Variants in PPFIBP2 observed in about 807,000 individuals in gnomAD.
PPFIBP2 encodes liprin-beta-2.
PPFIBP2 carries 118 observed loss-of-function variants against 118.3 expected under a neutral mutation model. The observed-to-expected ratio is 1.00, with a 90% CI of 0.86 to 1.16. The LOEUF (loss-of-function observed/expected upper bound fraction) is 1.16. Among genes scored for constraint, PPFIBP2 ranks in the 50% most tolerant of loss-of-function variants. The probability of loss-of-function intolerance (pLI) is 0.00; values close to 1 mark genes in which losing one functional copy is unlikely to be tolerated. For missense variants in PPFIBP2, 1,195 were observed against 1,073.1 expected, an observed-to-expected ratio of 1.11 and a Z score of -1.59; for synonymous variants, 414 against 397.4, an observed-to-expected ratio of 1.04 and a Z score of -0.50.
At chr11:7,586,492 C>A (rs1309443976) in intron 3 of PPFIBP2, among the ~76,000 whole-genome samples, 1 of 152,248 alleles carries the variant, frequency 6.6e-6, no homozygotes, top group East Asian at 1.9e-4. Flanking sequence ...TTTTAGAGCA[C>A]CCTACTATAA....
chr11:7,624,191 G>A (rs1271515540), intron 7 of PPFIBP2, among the ~76,000 whole-genome samples: 2 of 152,212 alleles, frequency 1.3e-5, no homozygotes, highest in Non-Finnish European at 2.9e-5. Context: ...CTCAGAAGCA[G>A]ACACACGGTG....
At chr11:7,663,917 G>GC in the PPFIBP2 span, among the ~76,000 whole-genome samples, 2 of 152,128 alleles carry the variant, frequency 1.3e-5, no homozygotes, top group African/African-American at 4.8e-5. Flanking sequence ...TTTTCCAGGT[G>GC]CGTCCGTCAC....
In PPFIBP2 at chr11:7,650,877, A is replaced by G; in HGVS notation, c.2159A>G (p.Asn720Ser). The G allele has an allele frequency of 4.3e-6, 7 of 1,614,084 alleles. No homozygotes were observed. The highest frequency in any genetic ancestry group is 5.1e-6 in the Non-Finnish European group (6 of 1,179,962). ...LSPSEVVQWS[N>S]HRVMEWLRSV... ...CCTTCAGAAGTTGTACAGTGGTCCA[A>G]CCACAGGGTGATGGAGTGGTTACGA... The change falls in exon 22 of 24, where the codon AAC becomes AGC. Residue 720 changes from asparagine to serine, a missense_variant. By Grantham distance (46) the Asn-to-Ser change is conservative. Transcript: ENST00000299492.
intron 1 of PPFIBP2, among the ~76,000 whole-genome samples, chr11:7,517,914 G>A (rs1385376213): frequency 2.6e-5 from 4 of 152,320 alleles, no homozygotes; most frequent in Middle Eastern, 3.4e-3. Flanking sequence ...CTCATAGTCC[G>A]ACTTCCAGTG....
rs1396348678 is a variant in PPFIBP2 at position 7,651,837 on chromosome 11, A to G, written c.2429A>G (p.Lys810Arg). 4 of 1,609,968 alleles carry G rather than the reference A, an allele frequency of 2.5e-6. No individual in the cohort carries two copies. The highest frequency in any genetic ancestry group is 3.4e-6 in the Non-Finnish European group (4 of 1,176,884). The change falls in exon 23 of 24, where the codon AAA (lysine) becomes AGA (arginine). Residue 810 changes from lysine to arginine, a missense_variant. Lys to Arg is a conservative substitution (Grantham distance 26). Transcript: ENST00000299492. ...PAYTPLTTTA[K>R]VRPRKLGFSH... ...TACACACCACTGACCACCACAGCCA[A>G]AGTCCGGGTGAGTTGCAGAGCCTTT...
intron 3 of PPFIBP2, among the ~76,000 whole-genome samples, chr11:7,584,467 T>A (rs889640065): frequency 1.3e-5 from 2 of 152,172 alleles, no homozygotes; most frequent in Admixed American, 6.5e-5. Flanking sequence ...CTATTCACAT[T>A]GCATTTGGAA....
intron 7 of PPFIBP2, among the ~76,000 whole-genome samples, chr11:7,621,600 T>A (rs1223036515): frequency 6.6e-6 from 1 of 152,234 alleles, no homozygotes; most frequent in East Asian, 1.9e-4. Flanking sequence ...TCTTCCTTCT[T>A]TTCCTATACT....
chr11:7,612,678 C>G (rs1419646599), intron 6 of PPFIBP2, among the ~76,000 whole-genome samples: 1 of 152,146 alleles, frequency 6.6e-6, no homozygotes, highest in Non-Finnish European at 1.5e-5. Flanking sequence ...GGCCTCAGTC[C>G]TACCAGATAA....
chr11:7,572,083 G>C (rs1855714117), intron 3 of PPFIBP2: 1 of 152,210 alleles, frequency 6.6e-6, no homozygotes, highest in Non-Finnish European at 1.5e-5. Flanking sequence ...CACTGTTTAG[G>C]GTGGGGGAGA....
intron 1 of PPFIBP2, among the ~76,000 whole-genome samples, chr11:7,534,772 A>T (rs904771276): frequency 6.6e-6 from 1 of 152,244 alleles, no homozygotes; most frequent in Non-Finnish European, 1.5e-5. Context: ...AGGCTGGTCC[A>T]TAAGCCAGAC....
downstream of PPFIBP2, among the ~76,000 whole-genome samples, chr11:7,661,509 G>A (rs1321315158): frequency 1.3e-5 from 2 of 148,246 alleles, no homozygotes; most frequent in South Asian, 2.2e-4. Flanking sequence ...TGTGGTCTGA[G>A]AGATAGTTTG....
Position 7,639,951 on chromosome 11 carries a change from A to AC in PPFIBP2, c.1375+83dup, listed in dbSNP as rs1851938417. 13 of 1,508,764 alleles carry AC rather than the reference A, an allele frequency of 8.6e-6. No individual in the cohort carries two copies. In the South Asian group the frequency reaches 1.7e-4, roughly 20 times the overall value. The allele number at this position is 1,508,764 out of a possible 1,614,324, so 93.5% of individuals were successfully genotyped here. A position where few individuals can be genotyped will look rare whatever the true frequency, so the allele number is the denominator to read the frequency against. On this transcript the variant is annotated intron_variant, in intron 15 of 23. Transcript: ENST00000299492. ...ATGATTGTATAAGATCCCTGCACCT[A>AC]CCACCACAATCCACAATTGGAGAAT...
chr11:7,649,097 TTC>T (rs1312181113), intron 19 of PPFIBP2, 48 bp from the exon 20 acceptor site: 1 of 1,552,266 alleles, frequency 6.4e-7, no homozygotes, highest in Non-Finnish European at 8.8e-7. Flanking sequence ...GGTGTCTACA[TTC>T]TCTCATTCTC....
At chr11:7,611,324 C>T (rs1481134564) in intron 6 of PPFIBP2, among the ~76,000 whole-genome samples, 1 of 150,106 alleles carries the variant, frequency 6.7e-6, no homozygotes, top group African/African-American at 2.5e-5. Flanking sequence ...TTTGTGAGCA[C>T]CTGGTATGTC....
intron 23 of PPFIBP2, among the ~76,000 whole-genome samples, chr11:7,652,530 G>A (rs1012986200): frequency 6.6e-6 from 1 of 152,340 alleles, no homozygotes; most frequent in East Asian, 1.9e-4. Flanking sequence ...CCCCAGGGGA[G>A]CAAGACAGGA....
intron 17 of PPFIBP2, among the ~76,000 whole-genome samples, chr11:7,644,684 G>A (rs1165996996): frequency 6.6e-6 from 1 of 152,178 alleles, no homozygotes. Flanking sequence ...TCCAGAGAAA[G>A]TCTGATCATA....
At chr11:7,605,580 C>G (rs569859097) in intron 5 of PPFIBP2, among the ~76,000 whole-genome samples, 3 of 152,262 alleles carry the variant, frequency 2.0e-5, no homozygotes, top group Non-Finnish European at 4.4e-5. Context: ...CACATGAGGC[C>G]TGTTACAGGG....
Position 7,644,393 on chromosome 11 carries a change from A to C in PPFIBP2, c.1646+1967A>C, listed in dbSNP as rs551984836. On this transcript the variant is annotated intron_variant, in intron 17 of 23. Coordinates refer to ENST00000299492, the MANE Select transcript of PPFIBP2 (RefSeq NM_003621.5). ...GTTTGTGAGTTTATTATGAGTTACTATTTTTGAGAAAAAGGCAGTAAAGTA... is the reference window on the plus strand; with the variant it reads ...GTTTGTGAGTTTATTATGAGTTACTCTTTTTGAGAAAAAGGCAGTAAAGTA... 2.6e-5 allele frequency among the ~76,000 whole-genome samples: 4 copies of C among 152,358 alleles called. No homozygotes were observed. In the South Asian group the frequency reaches 8.3e-4, roughly 32 times the overall value.
chr11:7,628,383 CTTA>C, intron 9 of PPFIBP2, 37 bp downstream of exon 9: 1 of 1,585,948 alleles, frequency 6.3e-7, no homozygotes, highest in Non-Finnish European at 8.7e-7. Flanking sequence ...CTTTTCCATG[CTTA>C]CATCCCTGGC....
Sources: allele counts gnomAD v4.1 joint callset (sites outside exome capture counted in the v4.1 genomes callset), GRCh38; gene constraint gnomAD v4.1.1; transcripts MANE v1.5; gene names NCBI Gene and HGNC (gene_info 2026-07-23, HGNC 2026-07-21).